IRAK3: variants seen among roughly 807,000 people sequenced by gnomAD.
IRAK3 encodes the protein interleukin-1 receptor-associated kinase 3.
IRAK3 carries 57 observed loss-of-function variants against 56.6 expected under a neutral mutation model. That is an observed-to-expected ratio of 1.01 (90% CI 0.81 to 1.26). The LOEUF is 1.26. Among genes scored for constraint, IRAK3 ranks in the 50% most tolerant of loss-of-function variants. The pLI, the probability that IRAK3 is intolerant of heterozygous loss-of-function variation, is 0.00. For missense variants in IRAK3, 703 were observed against 719.0 expected (o/e 0.98, Z 0.25); for synonymous variants, 258 against 255.7 (o/e 1.01, Z -0.09).
At chr12:66,230,886 G>C (rs2052837729) in intron 8 of IRAK3, among the ~76,000 whole-genome samples, 1 of 152,138 alleles carries the variant, frequency 6.6e-6, no homozygotes, top group Non-Finnish European at 1.5e-5. Flanking sequence ...AAATCAGAGA[G>C]ACCTTCCACT....
intron 8 of IRAK3, among the ~76,000 whole-genome samples, chr12:66,239,918 C>T (rs1043708849): frequency 1.3e-5 from 2 of 152,088 alleles, no homozygotes; most frequent in Admixed American, 1.3e-4. Context: ...CTGGAAAATA[C>T]GTTTGCCCAG....
intron 7 of IRAK3, among the ~76,000 whole-genome samples, chr12:66,227,576 C>CATAA (rs376888092): frequency 0.094 from 11,896 of 126,548 alleles, 484 homozygotes; most frequent in African/African-American, 0.11. Context: ...GAGACTCTGT[C>CATAA]ATAAATAAAT....
chr12:66,201,403 G>C (rs1356234749), intron 1 of IRAK3, among the ~76,000 whole-genome samples: 1 of 152,168 alleles, frequency 6.6e-6, no homozygotes, highest in Non-Finnish European at 1.5e-5. Flanking sequence ...CCAGAGACTT[G>C]CATCCAGGAT....
intron 8 of IRAK3, among the ~76,000 whole-genome samples, chr12:66,229,037 G>A (rs2052817692): frequency 6.6e-6 from 1 of 152,164 alleles, no homozygotes; most frequent in Non-Finnish European, 1.5e-5. Context: ...CTGTATTTAT[G>A]TACTTTTTTT....
rs902928142 is a variant in IRAK3, at chr12:66,211,600, A to G, written c.588+3A>G. The G allele has an allele frequency of 1.2e-6, 2 of 1,605,692 alleles. No homozygotes were observed. The highest frequency in any genetic ancestry group is 1.3e-5 in the African/African-American group (1 of 74,776). On this transcript the variant is annotated splice_donor_region_variant and intron_variant, in intron 5 of 11. Transcript: ENST00000261233. ...ATGCTGTCAAATTATTTAAACAGGT[A>G]TGGAAAGAATTACTGTCACAGGACA...
chr12:66,223,384 G>A (rs2052754463), intron 6 of IRAK3, among the ~76,000 whole-genome samples: 1 of 151,954 alleles, frequency 6.6e-6, no homozygotes, highest in African/African-American at 2.4e-5. Flanking sequence ...TTGAGGCCAG[G>A]CGCGGTGGCT....
chr12:66,207,850 G>C (rs1375452232), intron 2 of IRAK3, among the ~76,000 whole-genome samples: 1 of 152,026 alleles, frequency 6.6e-6, no homozygotes, highest in Non-Finnish European at 1.5e-5. Context: ...TTTTGCTGCT[G>C]ATTTGTGCTT....
chr12:66,224,581 T>C (rs1274957897), intron 6 of IRAK3, among the ~76,000 whole-genome samples: 4 of 152,238 alleles, frequency 2.6e-5, no homozygotes, highest in African/African-American at 9.6e-5. Context: ...ATGTGGCTTC[T>C]GATTCCTTTT....
chr12:66,204,778 GCACACACACACACACACACACA>G (rs59511601), intron 2 of IRAK3, among the ~76,000 whole-genome samples: 2,802 of 147,916 alleles, frequency 0.019, 32 homozygotes, highest in Middle Eastern at 0.049. Context: ...GAGCCCTTGC[GCACACACACACACACACACACA>G]CACACACACA....
chr12:66,242,360 C>T (rs1311086388), intron 8 of IRAK3, among the ~76,000 whole-genome samples: 1 of 152,196 alleles, frequency 6.6e-6, no homozygotes, highest in Non-Finnish European at 1.5e-5. Flanking sequence ...AAGAGTCAAC[C>T]TAGGGAAGAA....
In IRAK3 at chr12:66,244,928, T is replaced by C; in HGVS notation, c.1087-20T>C. On this transcript the variant is annotated intron_variant, in intron 9 of 11. Transcript: ENST00000261233. The stretch of plus-strand genomic sequence containing the variant: ...TATATTTTTAAGATATATAGCTGAC[T>C]TTCTATATATTCCTTGTAGGTAATA... 1 of 1,568,134 alleles carries C rather than the reference T, an allele frequency of 6.4e-7. No homozygotes were observed. The highest frequency in any genetic ancestry group is 8.8e-7 in the Non-Finnish European group (1 of 1,138,398).
chr12:66,209,960 G>A (rs1450796887), intron 3 of IRAK3, among the ~76,000 whole-genome samples, 187 bp from the exon 4 acceptor site: 1 of 152,160 alleles, frequency 6.6e-6, no homozygotes, highest in African/African-American at 2.4e-5. Flanking sequence ...TGGTGTGAAA[G>A]CCTTAAATAT....
intron 11 of IRAK3, among the ~76,000 whole-genome samples, chr12:66,246,283 C>T (rs1403080897): frequency 6.6e-6 from 1 of 152,208 alleles, no homozygotes; most frequent in East Asian, 1.9e-4. Context: ...GCCCATGGTG[C>T]TAAGACCACA....
intron 1 of IRAK3, among the ~76,000 whole-genome samples, chr12:66,201,357 C>T (rs560106826): frequency 6.6e-6 from 1 of 152,088 alleles, no homozygotes; most frequent in African/African-American, 2.4e-5. Flanking sequence ...GTCAGGGGTC[C>T]CCCGTGACCA....
intron 6 of IRAK3, among the ~76,000 whole-genome samples, chr12:66,218,017 A>C (rs528257384): frequency 3.3e-5 from 5 of 152,308 alleles, no homozygotes; most frequent in African/African-American, 1.2e-4. Flanking sequence ...TGTGAGTTTT[A>C]TTTATTGGCT....
chr12:66,234,955 A>G lies in IRAK3; in HGVS notation c.887+6585A>G, dbSNP rs965406391. 13 of 1,614,110 alleles carry G rather than the reference A, an allele frequency of 8.1e-6. 1 individual carries two copies. In the South Asian group the frequency reaches 1.4e-4, roughly 18 times the overall value. On this transcript the variant is annotated intron_variant, in intron 8 of 11. Transcript: ENST00000261233. The stretch of plus-strand genomic sequence containing the variant: ...CAGACACAGCTTTTTGAGCTGCTGC[A>G]GGGCTGTCAAAGTCGACAAAACCAT...
At position 66,245,200 on chromosome 12, in the gene IRAK3, C is replaced by T. The variant is rs890593437; in HGVS notation, c.1252C>T (p.Leu418Phe). 2.5e-6 allele frequency: 4 copies of T among 1,614,048 alleles called. No individual in the cohort carries two copies. The African/African-American group carries it at 4.0e-5, about 16-fold the overall frequency. ...CTGCCCTCGGAATTTCTCTGCCAAG[C>T]TCTTCTGTTTGGCAGGCCGGTGTGC... ...PPCPRNFSAK[L>F]FCLAGRCAAT... The change falls in exon 11 of 12, where the codon CTC becomes TTC. Residue 418 changes from leucine to phenylalanine, a missense_variant. By Grantham distance (22) the Leu-to-Phe change is conservative. Coordinates refer to ENST00000261233, the MANE Select transcript of IRAK3 (RefSeq NM_007199.3).
rs1219123124 is a variant in IRAK3 at position 66,234,373 on chromosome 12, C to T, written c.887+6003C>T. On this transcript the variant is annotated intron_variant, in intron 8 of 11. Coordinates refer to ENST00000261233, the MANE Select transcript of IRAK3 (RefSeq NM_007199.3). ...GCTGTAGAATATATGGTTGAGGTTG[C>T]GTCCAAGAAGGACTTTGCACCTGGT... The T allele has an allele frequency of 2.3e-5, 37 of 1,611,874 alleles. 1 individual carries two copies. The highest frequency in any genetic ancestry group is 1.2e-4 in the Admixed American group (7 of 59,992).
chr12:66,193,757 C>T (rs1356901124), intron 1 of IRAK3, among the ~76,000 whole-genome samples: 1 of 152,212 alleles, frequency 6.6e-6, no homozygotes, highest in Non-Finnish European at 1.5e-5. Flanking sequence ...AAAGTACTGA[C>T]CTGTATCCAG....
Sources: gnomAD v4.1 joint callset for allele counts (sites outside exome capture counted in the v4.1 genomes callset) on GRCh38, gnomAD v4.1.1 for gene constraint, MANE v1.5 for transcripts, NCBI Gene and HGNC (gene_info 2026-07-23, HGNC 2026-07-21) for gene names.